Variants in WWOX observed in about 807,000 individuals in gnomAD.
WWOX encodes WW domain containing oxidoreductase, also known as WW domain-containing oxidoreductase.
In WWOX, 69 loss-of-function variants were observed where a neutral mutation model predicts 46.2. The ratio of observed to expected loss-of-function variants is 1.49; its 90% CI spans 1.23 to 1.82. The LOEUF (loss-of-function observed/expected upper bound fraction) is 1.82. WWOX is among the 40% of genes most tolerant of loss of function. The pLI, the probability that WWOX is intolerant of heterozygous loss-of-function variation, is 0.00. For synonymous variants in WWOX, 359 were observed against 202.6 expected, an observed-to-expected ratio of 1.77 and a Z score of -6.56; for missense variants, 919 against 542.6, an observed-to-expected ratio of 1.69 and a Z score of -6.89.
chr16:78,720,590 A>C (rs2048666071), intron 8 of WWOX, among the ~76,000 whole-genome samples: 1 of 151,922 alleles, frequency 6.6e-6, no homozygotes, highest in Admixed American at 6.6e-5. Context: ...TCAGGATTTC[A>C]GACCACCATA....
intron 5 of WWOX, among the ~76,000 whole-genome samples, chr16:78,220,765 A>C (rs569300978): frequency 6.6e-6 from 1 of 152,352 alleles, no homozygotes; most frequent in African/African-American, 2.4e-5. Flanking sequence ...GTTCTGAGCT[A>C]GAATGTGATG....
intron 6 of WWOX, among the ~76,000 whole-genome samples, chr16:78,390,582 A>G (rs1368621091): frequency 6.6e-6 from 1 of 152,220 alleles, no homozygotes; most frequent in African/African-American, 2.4e-5. Flanking sequence ...GAAAATATGC[A>G]TAAAAAAGCG....
At chr16:78,378,269 C>T (rs1188861096) in intron 5 of WWOX, among the ~76,000 whole-genome samples, 2 of 152,122 alleles carry the variant, frequency 1.3e-5, no homozygotes, top group Non-Finnish European at 2.9e-5. Flanking sequence ...AAGAGACTCT[C>T]AAACTCCCCT....
chr16:78,475,731 G>A (rs1224315229), intron 8 of WWOX, among the ~76,000 whole-genome samples: 1 of 152,144 alleles, frequency 6.6e-6, no homozygotes, highest in African/African-American at 2.4e-5. Flanking sequence ...CAGTAGCTGG[G>A]ATTACAGGCA....
Position 78,747,036 on chromosome 16 carries a change from C to T in WWOX, c.1056+314284C>T, listed in dbSNP as rs371384677. Among the ~76,000 whole-genome samples the T allele has an allele frequency of 8.5e-5, 13 of 152,048 alleles. No individual in the cohort carries two copies. In the East Asian group the frequency reaches 1.2e-3, roughly 14 times the overall value. On this transcript the variant is annotated intron_variant, in intron 8 of 8. Coordinates refer to ENST00000566780, the MANE Select transcript of WWOX (RefSeq NM_016373.4). Reference sequence around the variant, plus strand: ...GCCTGCCTCTCAGTTTATTTCCTACCTCAAGTAGCTGTGCCCAATGTCCTC... The same window carrying T: ...GCCTGCCTCTCAGTTTATTTCCTACTTCAAGTAGCTGTGCCCAATGTCCTC...
chr16:78,787,059 A>C (rs2050475252), intron 8 of WWOX, among the ~76,000 whole-genome samples: 1 of 152,138 alleles, frequency 6.6e-6, no homozygotes, highest in Non-Finnish European at 1.5e-5. Context: ...GAGGCAGGAG[A>C]ATCGCTTGAA....
intron 5 of WWOX, among the ~76,000 whole-genome samples, chr16:78,180,663 C>T (rs941055179): frequency 6.6e-6 from 1 of 151,762 alleles, no homozygotes; most frequent in African/African-American, 2.4e-5. Context: ...CCCAGCCGCA[C>T]CGGAGAGTTG....
intron 8 of WWOX, among the ~76,000 whole-genome samples, chr16:79,197,759 C>G (rs1036671623): frequency 6.6e-6 from 1 of 152,100 alleles, no homozygotes; most frequent in Non-Finnish European, 1.5e-5. Context: ...CACAAACACC[C>G]AGGACAAAGG....
chr16:78,563,877 C>T lies in WWOX; in HGVS notation c.1056+131125C>T, dbSNP rs116232830. Among the ~76,000 whole-genome samples the T allele has an allele frequency of 2.7e-3, 414 of 152,170 alleles. 4 individuals carry two copies. The highest frequency in any genetic ancestry group is 9.5e-3 in the African/African-American group (396 of 41,530). On this transcript the variant is annotated intron_variant, in intron 8 of 8. Coordinates refer to ENST00000566780, the MANE Select transcript of WWOX (RefSeq NM_016373.4). ...CCTCCAAAGGTGAAGTTCGTTTGTCCACTCCTTGAACCAGGATGGCATGAA... is the reference window on the plus strand; with the variant it reads ...CCTCCAAAGGTGAAGTTCGTTTGTCTACTCCTTGAACCAGGATGGCATGAA...
chr16:78,333,043 C>CTTTTTT lies in WWOX; in HGVS notation c.517-53798_517-53793dup, dbSNP rs11289222. Among the ~76,000 whole-genome samples, 6 of 57,124 alleles carry CTTTTTT rather than the reference C, an allele frequency of 1.1e-4. 1 individual carries two copies. The highest frequency in any genetic ancestry group is 1.6e-4 in the African/African-American group (3 of 18,510). 37.5% of individuals were successfully genotyped at this position (57,124 alleles called of 152,430 possible). On this transcript the variant is annotated intron_variant, in intron 5 of 8. Coordinates refer to ENST00000566780, the MANE Select transcript of WWOX (RefSeq NM_016373.4). ...CTGAGTAGCATGGAAGAGCATTATACTTTTTTTTTTTTTTTTTTTTTTTTG... is the reference window on the plus strand; with the variant it reads ...CTGAGTAGCATGGAAGAGCATTATACTTTTTTTTTTTTTTTTTTTTTTTTTTTTTTG...
At chr16:78,316,911 A>C (rs1412709032) in intron 5 of WWOX, among the ~76,000 whole-genome samples, 1 of 152,136 alleles carries the variant, frequency 6.6e-6, no homozygotes, top group East Asian at 1.9e-4. Flanking sequence ...TATCTTTGTG[A>C]ATTCATTATT....
chr16:78,906,802 C>T lies in WWOX; in HGVS notation c.1057-304806C>T, dbSNP rs149819359. Among the ~76,000 whole-genome samples the T allele has an allele frequency of 4.1e-3, 626 of 152,318 alleles. 2 individuals are homozygous for T. The highest frequency in any genetic ancestry group is 5.5e-3 in the Non-Finnish European group (374 of 68,028). Reference sequence around the variant, plus strand: ...AGGTCTTCTGACCCTTTATCACCCACAGTGTTTTATTCATTTGCTCTAAAC... The same window carrying T: ...AGGTCTTCTGACCCTTTATCACCCATAGTGTTTTATTCATTTGCTCTAAAC... On this transcript the variant is annotated intron_variant, in intron 8 of 8. Coordinates refer to ENST00000566780, the MANE Select transcript of WWOX (RefSeq NM_016373.4).
chr16:78,369,084 T>G (rs2081605114), intron 5 of WWOX, among the ~76,000 whole-genome samples: 1 of 152,154 alleles, frequency 6.6e-6, no homozygotes, highest in Admixed American at 6.5e-5. Context: ...CTATTCTTCT[T>G]TAGAGTTTGT....
chr16:79,074,361 C>T (rs779750740), intron 8 of WWOX, among the ~76,000 whole-genome samples: 11 of 148,376 alleles, frequency 7.4e-5, no homozygotes, highest in Non-Finnish European at 1.5e-4. Flanking sequence ...CTAAAACCAC[C>T]GTTGTCACTC....
In WWOX at chr16:78,126,586, C is replaced by G. The variant is rs375504955; in HGVS notation, c.409+11432C>G. On this transcript the variant is annotated intron_variant, in intron 4 of 8. Coordinates refer to ENST00000566780, the MANE Select transcript of WWOX (RefSeq NM_016373.4). ...CTATCATTTAATTTTCAAAATGTCC[C>G]TTAGAAGTTAATTTATAAAGTGTCT... Among the ~76,000 whole-genome samples the G allele has an allele frequency of 3.9e-5, 6 of 152,238 alleles. 1 individual carries two copies. Among genetic ancestry groups the G allele is most frequent in the African/African-American group, 1.4e-4 (6 of 41,530 alleles).
intron 8 of WWOX, among the ~76,000 whole-genome samples, chr16:78,522,720 A>C (rs990624683): frequency 6.6e-6 from 1 of 152,364 alleles, no homozygotes; most frequent in East Asian, 1.9e-4. Context: ...GTTACAACAG[A>C]GGAGCTCTGA....
intron 5 of WWOX, among the ~76,000 whole-genome samples, chr16:78,178,013 G>T (rs1440029386): frequency 1.3e-5 from 2 of 152,210 alleles, no homozygotes; most frequent in African/African-American, 4.8e-5. Flanking sequence ...TTCCTCACTT[G>T]TAGAAACTCC....
chr16:79,163,150 G>A (rs1183012333), intron 8 of WWOX, among the ~76,000 whole-genome samples: 1 of 152,172 alleles, frequency 6.6e-6, no homozygotes, highest in Non-Finnish European at 1.5e-5. Flanking sequence ...ACTTGGAGCT[G>A]TTATATATGC....
chr16:78,377,365 T>C (rs1425182301), intron 5 of WWOX, among the ~76,000 whole-genome samples: 4 of 152,240 alleles, frequency 2.6e-5, no homozygotes, highest in Non-Finnish European at 5.9e-5. Context: ...TCATCTATTA[T>C]TTATTTCAGC....
Sources: allele counts gnomAD v4.1 joint callset (sites outside exome capture counted in the v4.1 genomes callset), GRCh38; gene constraint gnomAD v4.1.1; transcripts MANE v1.5; gene names NCBI Gene and HGNC (gene_info 2026-07-23, HGNC 2026-07-21).